ZBTB7C: variants seen among roughly 807,000 people sequenced by gnomAD.
The protein encoded by ZBTB7C is zinc finger and BTB domain containing 7C, also known as zinc finger and BTB domain-containing protein 7C.
In ZBTB7C, 8 loss-of-function variants were observed where a neutral mutation model predicts 25.7. The ratio of observed to expected loss-of-function variants is 0.31; its 90% CI spans 0.18 to 0.56. The LOEUF (loss-of-function observed/expected upper bound fraction) is 0.56. ZBTB7C is among the 20% of genes least tolerant of loss of function. ZBTB7C has a pLI of 0.91. For synonymous variants in ZBTB7C, 394 were observed against 369.0 expected (o/e 1.07, Z -0.78); for missense variants, 824 against 855.2 (o/e 0.96, Z 0.46).
At chr18:48,351,656 C>G (rs926341177) in intron 1 of ZBTB7C, among the ~76,000 whole-genome samples, 2 of 152,192 alleles carry the variant, frequency 1.3e-5, no homozygotes, top group Admixed American at 6.5e-5. Context: ...CTTGAAGGAG[C>G]CTTTTATGTG....
At chr18:48,335,020 A>C (rs2046429377) in intron 2 of ZBTB7C, among the ~76,000 whole-genome samples, 1 of 152,180 alleles carries the variant, frequency 6.6e-6, no homozygotes, top group Non-Finnish European at 1.5e-5. Flanking sequence ...GCATAGATAG[A>C]GCACCAGCTG....
At chr18:48,287,491 T>C (rs2045092053) in intron 2 of ZBTB7C, among the ~76,000 whole-genome samples, 1 of 152,176 alleles carries the variant, frequency 6.6e-6, no homozygotes, top group Non-Finnish European at 1.5e-5. Flanking sequence ...CTATCAGACA[T>C]GGAATGAGTA....
At chr18:48,244,394 G>A (rs569452149) in intron 2 of ZBTB7C, among the ~76,000 whole-genome samples, 12 of 151,252 alleles carry the variant, frequency 7.9e-5, no homozygotes, top group East Asian at 5.8e-4. Flanking sequence ...CAGCCTGGGC[G>A]ACAGAGTGAG....
chr18:48,284,927 T>G (rs2044996469), intron 2 of ZBTB7C, among the ~76,000 whole-genome samples: 1 of 152,226 alleles, frequency 6.6e-6, no homozygotes, highest in African/African-American at 2.4e-5. Context: ...TGCCTTTATC[T>G]TATAAGACTG....
chr18:48,269,471 C>G (rs543634542), intron 2 of ZBTB7C, among the ~76,000 whole-genome samples: 2 of 152,322 alleles, frequency 1.3e-5, no homozygotes, highest in South Asian at 4.1e-4. Context: ...GGGCCATCAA[C>G]AGTCAGACCA....
intron 3 of ZBTB7C, among the ~76,000 whole-genome samples, chr18:48,163,164 C>T (rs530298976): frequency 6.6e-6 from 1 of 152,302 alleles, no homozygotes; most frequent in East Asian, 1.9e-4. Context: ...CCATCTCTCT[C>T]CCATCCTGAC....
At chr18:48,395,461 ATG>A (rs71165324) in intron 1 of ZBTB7C, among the ~76,000 whole-genome samples, 7,605 of 83,320 alleles carry the variant, frequency 0.091, 956 homozygotes, top group African/African-American at 0.3. Context: ...TTCTATTCAA[ATG>A]TGTGTGTGTG....
chr18:48,134,115 A>C (rs1338130650), intron 3 of ZBTB7C, among the ~76,000 whole-genome samples: 1 of 149,710 alleles, frequency 6.7e-6, no homozygotes, highest in Non-Finnish European at 1.5e-5. Flanking sequence ...TTTTTTTAAG[A>C]AAAGGAAGTA....
intron 3 of ZBTB7C, among the ~76,000 whole-genome samples, chr18:48,120,566 C>T (rs895054687): frequency 1.3e-5 from 2 of 152,034 alleles, no homozygotes; most frequent in East Asian, 1.9e-4. Context: ...GCCGAGATCA[C>T]GCCACTGCAC....
In ZBTB7C at chr18:48,228,743, T is replaced by TCACACACACACACACACA. The variant is rs34427342; in HGVS notation, c.-78-42749_-78-42748insTGTGTGTGTGTGTGTGTG. Among the ~76,000 whole-genome samples, 271 of 135,886 alleles carry TCACACACACACACACACA rather than the reference T, an allele frequency of 2.0e-3. 3 individuals carry two copies. The highest frequency in any genetic ancestry group is 7.9e-4 in the Non-Finnish European group (51 of 64,526). The allele number at this position is 135,886 out of a possible 152,430, so 89.1% of individuals were successfully genotyped here. A position where few individuals can be genotyped will look rare whatever the true frequency, so the allele number is the denominator to read the frequency against. The stretch of plus-strand genomic sequence containing the variant: ...GTCTCTCTCTCTCTGTCTCTCTCTC[T>TCACACACACACACACACA]CTCTCACACACACACACACACACAC... On this transcript the variant is annotated intron_variant, in intron 2 of 4. Coordinates refer to ENST00000590800, the MANE Select transcript of ZBTB7C (RefSeq NM_001318841.2).
intron 3 of ZBTB7C, among the ~76,000 whole-genome samples, chr18:48,100,355 G>C (rs528181504): frequency 6.6e-6 from 1 of 152,306 alleles, no homozygotes; most frequent in African/African-American, 2.4e-5. Flanking sequence ...GGGGTGAAGA[G>C]GAGGCTGGTT....
At chr18:48,179,240 C>G (rs2041797111) in intron 3 of ZBTB7C, among the ~76,000 whole-genome samples, 1 of 152,198 alleles carries the variant, frequency 6.6e-6, no homozygotes, top group Admixed American at 6.5e-5. Context: ...CTTAGCTCAA[C>G]AGAGGCTTGT....
chr18:48,409,677 G>T (rs567651936), upstream of ZBTB7C, among the ~76,000 whole-genome samples: 1 of 152,014 alleles, frequency 6.6e-6, no homozygotes, highest in Admixed American at 6.5e-5. Flanking sequence ...TGGGCGGCGC[G>T]GCGGGGGGCG....
intron 1 of ZBTB7C, among the ~76,000 whole-genome samples, chr18:48,385,305 T>A (rs2047723519): frequency 1.3e-5 from 2 of 152,336 alleles, no homozygotes; most frequent in Non-Finnish European, 2.9e-5. Flanking sequence ...CAAAAGTATT[T>A]TTATAGGCCA....
intron 2 of ZBTB7C, among the ~76,000 whole-genome samples, chr18:48,326,924 C>T (rs1368325835): frequency 1.3e-5 from 2 of 152,176 alleles, no homozygotes; most frequent in East Asian, 1.9e-4. Context: ...CAAGAGGAAA[C>T]GCAATAATAA....
chr18:48,145,210 T>C (rs1304910411), intron 3 of ZBTB7C, among the ~76,000 whole-genome samples: 2 of 152,340 alleles, frequency 1.3e-5, no homozygotes, highest in East Asian at 3.9e-4. Flanking sequence ...GTCTGCTTCC[T>C]TTCTTGTTGG....
At chr18:48,112,260 CTTTTTTT>C (rs1048802422) in intron 3 of ZBTB7C, among the ~76,000 whole-genome samples, 58 of 120,048 alleles carry the variant, frequency 4.8e-4, no homozygotes, top group Admixed American at 3.7e-3. Flanking sequence ...TAATTTTTTT[CTTTTTTT>C]TTTTTTTTTT....
chr18:48,200,972 AC>A (rs1166895831), intron 2 of ZBTB7C, among the ~76,000 whole-genome samples: 1 of 151,886 alleles, frequency 6.6e-6, no homozygotes, highest in Non-Finnish European at 1.5e-5. Flanking sequence ...CCCAGGCACC[AC>A]CCCCTTGGAG....
intron 2 of ZBTB7C, among the ~76,000 whole-genome samples, chr18:48,322,403 A>G (rs117317690): frequency 6.6e-6 from 1 of 152,280 alleles, no homozygotes; most frequent in East Asian, 1.9e-4. Flanking sequence ...AAGAGAGTGG[A>G]CAAAATTATC....
Sources: allele counts gnomAD v4.1 joint callset (sites outside exome capture counted in the v4.1 genomes callset), GRCh38; gene constraint gnomAD v4.1.1; transcripts MANE v1.5; gene names NCBI Gene and HGNC (gene_info 2026-07-23, HGNC 2026-07-21).